The following CHML variants were observed in gnomAD, a reference collection of about 807,000 sequenced individuals.
CHML encodes the protein CHM like Rab escort protein.
CHML carries 20 observed loss-of-function variants against 30.4 expected under a neutral mutation model. The ratio of observed to expected loss-of-function variants is 0.66; its 90% CI spans 0.46 to 0.95. The LOEUF is 0.95. Ranked by LOEUF, CHML falls within the 40% of genes least tolerant of loss-of-function variation. The probability of loss-of-function intolerance (pLI) is 0.00; values close to 1 mark genes in which losing one functional copy is unlikely to be tolerated. For missense variants in CHML, 795 were observed against 768.5 expected (o/e 1.03, Z -0.41); for synonymous variants, 281 against 275.0 (o/e 1.02, Z -0.22).
chr1:241,635,250 C>G lies in CHML; in HGVS notation c.517G>C (p.Glu173Gln). ...TEISLEVTDV[E>Q]ESVEKEKYCG... ...TACTTTTCCTTCTCCACTGATTCCT[C>G]TACATCAGTTACTTCTAGTGAAATC... is the stretch of plus-strand genomic sequence containing the variant. The change falls in exon 2 of 2, where the codon GAG (glutamate) becomes CAG (glutamine). Residue 173 changes from glutamate to glutamine, a missense_variant. Glu to Gln is a conservative substitution (Grantham distance 29, BLOSUM62 2). Coordinates refer to ENST00000366553, the MANE Select transcript of CHML (RefSeq NM_001381853.1). 6.2e-7 allele frequency: 1 copy of G among 1,613,876 alleles called. No homozygotes were observed. The highest frequency in any genetic ancestry group is 8.5e-7 in the Non-Finnish European group (1 of 1,179,920).
chr1:241,633,161 C>G lies in CHML; in HGVS notation c.*635G>C, dbSNP rs1336775641. ...TAGAATACTGTGGTGGCATCATTGC[C>G]TCATCAGTTACAAGGGTCAAGTGAG... On this transcript the variant is annotated 3_prime_UTR_variant, in exon 2 of 2. Coordinates refer to ENST00000366553, the MANE Select transcript of CHML (RefSeq NM_001381853.1). 1 of 152,160 alleles carries G rather than the reference C, an allele frequency of 6.6e-6. No homozygotes were observed. Among genetic ancestry groups the G allele is most frequent in the Admixed American group, 6.5e-5 (1 of 15,270 alleles). The allele number at this position is 152,160 out of a possible 1,614,324, so 9.4% of individuals were successfully genotyped here.
Position 241,635,841 on chromosome 1 carries a change from T to C in CHML, c.-75A>G. 1 of 1,426,444 alleles carries C rather than the reference T, an allele frequency of 7.0e-7. No individual in the cohort carries two copies. Among genetic ancestry groups the C allele is most frequent in the Non-Finnish European group, 9.5e-7 (1 of 1,047,806 alleles). The allele number at this position is 1,426,444 out of a possible 1,614,324, so 88.4% of individuals were successfully genotyped here. A position where few individuals can be genotyped will look rare whatever the true frequency, so the allele number is the denominator to read the frequency against. ...TGTGATTATGCTGTAATAAAATCTG[T>C]CCTTCTGATGTTCCAGTTATCCCAG... On this transcript the variant is annotated 5_prime_UTR_variant, in exon 2 of 2. Transcript: ENST00000366553.
Position 241,634,999 on chromosome 1 carries a change from A to G in CHML, c.768T>C (p.Tyr256=), listed in dbSNP as rs1664824420. ...DLLIKSDVSR[Y]VEFKNVTRIL... is the part of the protein sequence containing the mutation. The stretch of plus-strand genomic sequence containing the variant: ...TCCTAGTGACATTTTTAAATTCTAC[A>G]TAACGACTAACATCTGATTTGATTA... The change falls in exon 2 of 2, where the codon TAT becomes TAC. Residue 256 remains tyrosine, a synonymous_variant. Transcript: ENST00000366553. 6 of 1,613,684 alleles carry G rather than the reference A, an allele frequency of 3.7e-6. No individual in the cohort carries two copies. The highest frequency in any genetic ancestry group is 5.1e-6 in the Non-Finnish European group (6 of 1,179,864).
At chr1:241,637,690 T>C (rs993327986) in intron 1 of CHML, among the ~76,000 whole-genome samples, 1 of 152,152 alleles carries the variant, frequency 6.6e-6, no homozygotes, top group Non-Finnish European at 1.5e-5. Flanking sequence ...GCAAGTAGGA[T>C]GGCCTTACAG....
rs1664690638 is a variant in CHML, at chr1:241,632,658, A to G, written c.*1138T>C. The G allele has an allele frequency of 1.3e-5, 2 of 152,118 alleles. No homozygotes were observed. Among genetic ancestry groups the G allele is most frequent in the Admixed American group, 1.3e-4 (2 of 15,270 alleles). The allele number at this position is 152,118 out of a possible 1,614,324, so 9.4% of individuals were successfully genotyped here. A position where few individuals can be genotyped will look rare whatever the true frequency, so the allele number is the denominator to read the frequency against. On this transcript the variant is annotated 3_prime_UTR_variant, in exon 2 of 2. Transcript: ENST00000366553. Reference sequence around the variant, plus strand: ...GCTAAGAGGCAAGAGAGATTACAGAAAATTGTTACTTCACAATTTGTTAAG... The same window carrying G: ...GCTAAGAGGCAAGAGAGATTACAGAGAATTGTTACTTCACAATTTGTTAAG...
At position 241,634,623 on chromosome 1, in the gene CHML, G is replaced by T. The variant is rs746405074; in HGVS notation, c.1144C>A (p.Gln382Lys). 4 of 1,613,810 alleles carry T rather than the reference G, an allele frequency of 2.5e-6. No individual in the cohort carries two copies. The highest frequency in any genetic ancestry group is 3.4e-6 in the Non-Finnish European group (4 of 1,179,872). The change falls in exon 2 of 2, where the codon CAA (glutamine) becomes AAA (lysine). Residue 382 changes from glutamine (Q) to lysine (K), a missense_variant. By Grantham distance (53) the Gln-to-Lys change is moderately conservative (BLOSUM62 1). Transcript: ENST00000366553. ...NTPFLFPLYGQGEIPQGFCRM... is the reference protein window; with the variant it reads ...NTPFLFPLYGKGEIPQGFCRM... Reference sequence around the variant, plus strand: ...CAGAAACCCTGGGGAATTTCTCCTTGGCCATACAAGGGAAATAAAAAGGGG... The same window carrying T: ...CAGAAACCCTGGGGAATTTCTCCTTTGCCATACAAGGGAAATAAAAAGGGG...
rs764526698 is a variant in CHML at position 241,629,113 on chromosome 1, C to T, written c.*4683G>A. ...ATATAACATTCTGTGATAGCACTAG[C>T]AATACACCAAAATTTACTTAACCAT... is the stretch of plus-strand genomic sequence containing the variant. On this transcript the variant is annotated 3_prime_UTR_variant, in exon 2 of 2. Coordinates refer to ENST00000366553, the MANE Select transcript of CHML (RefSeq NM_001381853.1). 6.6e-6 allele frequency: 1 copy of T among 152,502 alleles called. No individual in the cohort carries two copies. Among genetic ancestry groups the T allele is most frequent in the African/African-American group, 2.4e-5 (1 of 41,420 alleles). 9.4% of individuals were successfully genotyped at this position (152,502 alleles called of 1,614,324 possible).
Position 241,640,261 on chromosome 1 carries a change from G to A in CHML, c.-687C>T. 8.3e-7 allele frequency: 1 copy of A among 1,197,626 alleles called. No homozygotes were observed. The highest frequency in any genetic ancestry group is 1.0e-6 in the Non-Finnish European group (1 of 968,044). The allele number at this position is 1,197,626 out of a possible 1,614,324, so 74.2% of individuals were successfully genotyped here. A position where few individuals can be genotyped will look rare whatever the true frequency, so the allele number is the denominator to read the frequency against. On this transcript the variant is annotated 5_prime_UTR_variant, in exon 1 of 2. Coordinates refer to ENST00000366553, the MANE Select transcript of CHML (RefSeq NM_001381853.1). ...TGCGGTTCCCCGAGTACATGGCCCG[G>A]CGCCGGCGCGCCTGGCGGGCGGAGG...
At chr1:241,638,865 C>T (rs999228180) in intron 1 of CHML, among the ~76,000 whole-genome samples, 14 of 152,076 alleles carry the variant, frequency 9.2e-5, no homozygotes, top group South Asian at 2.1e-4. Flanking sequence ...GATTTTTGTT[C>T]TCCCAAACCT....
rs1296057787 is a variant in CHML, at chr1:241,630,358, T to C, written c.*3438A>G. On this transcript the variant is annotated 3_prime_UTR_variant, in exon 2 of 2. Coordinates refer to ENST00000366553, the MANE Select transcript of CHML (RefSeq NM_001381853.1). ...ATTTAGGCATCTTTCTTAATTTATCTCTATGTAGTTATATAACTTTCTTTA... is the reference window on the plus strand; with the variant it reads ...ATTTAGGCATCTTTCTTAATTTATCCCTATGTAGTTATATAACTTTCTTTA... 2 of 152,082 alleles carry C rather than the reference T, an allele frequency of 1.3e-5. No individual in the cohort carries two copies. The highest frequency in any genetic ancestry group is 2.9e-5 in the Non-Finnish European group (2 of 67,930). The allele number at this position is 152,082 out of a possible 1,614,324, so 9.4% of individuals were successfully genotyped here.
At position 241,629,698 on chromosome 1, in the gene CHML, T is replaced by C. The variant is rs971935273; in HGVS notation, c.*4098A>G. On this transcript the variant is annotated 3_prime_UTR_variant, in exon 2 of 2. Transcript: ENST00000366553. ...TGGTGTGAGACTTGTAGTATTTTTC[T>C]TTTTATACTTAACATTTTAATTCAT... 1.3e-5 allele frequency: 2 copies of C among 152,160 alleles called. No homozygotes were observed. The highest frequency in any genetic ancestry group is 4.8e-5 in the African/African-American group (2 of 41,464). The allele number at this position is 152,160 out of a possible 1,614,324, so 9.4% of individuals were successfully genotyped here.
rs1027234837 is a variant in CHML at position 241,635,749 on chromosome 1, G to A, written c.18C>T (p.Pro6=). 3 of 1,609,420 alleles carry A rather than the reference G, an allele frequency of 1.9e-6. No homozygotes were observed. The highest frequency in any genetic ancestry group is 2.5e-6 in the Non-Finnish European group (3 of 1,177,018). The change falls in exon 2 of 2, where the codon CCC becomes CCT. Residue 6 remains proline (P), a synonymous_variant. Coordinates refer to ENST00000366553, the MANE Select transcript of CHML (RefSeq NM_001381853.1). MADNL[P]TEFDVVIIGT... ...CTATTATAACCACATCAAACTCTGT[G>A]GGAAGATTGTCCGCCATTTTAGGAA... is the stretch of plus-strand genomic sequence containing the variant.
rs181162135 is a variant in CHML, at chr1:241,637,042, C to A, written c.-307-969G>T. On this transcript the variant is annotated intron_variant, in intron 1 of 1. Coordinates refer to ENST00000366553, the MANE Select transcript of CHML (RefSeq NM_001381853.1). ...TGTGCGGAAGACATCTGTGTGATGC[C>A]CTGTGTGGCCAGAGGTAGAAAGGCC... 3.9e-5 allele frequency among the ~76,000 whole-genome samples: 6 copies of A among 152,192 alleles called. No individual in the cohort carries two copies. In the East Asian group the frequency reaches 1.2e-3, roughly 29 times the overall value.
chr1:241,639,609 G>A (rs1029513760), intron 1 of CHML, among the ~76,000 whole-genome samples: 1 of 151,840 alleles, frequency 6.6e-6, no homozygotes, highest in African/African-American at 2.4e-5. Context: ...CGGGGTTTGG[G>A]GTCAACGTGG....
At position 241,634,498 on chromosome 1, in the gene CHML, A is replaced by T; in HGVS notation, c.1269T>A (p.Asp423Glu). The T allele has an allele frequency of 6.2e-7, 1 of 1,613,856 alleles. No homozygotes were observed. Among genetic ancestry groups the T allele is most frequent in the Non-Finnish European group, 8.5e-7 (1 of 1,179,906 alleles). The change falls in exon 2 of 2, where the codon GAT (aspartate) becomes GAA (glutamate). Residue 423 changes from aspartate to glutamate, a missense_variant. By Grantham distance (45) the Asp-to-Glu change is conservative (BLOSUM62 2). Coordinates refer to ENST00000366553, the MANE Select transcript of CHML (RefSeq NM_001381853.1). Reference sequence around the variant, plus strand: ...TAGCATTTATTCTTTGACCAAAGTGATCTATAATTGCTTTACATCGTCCAG... The same window carrying T: ...TAGCATTTATTCTTTGACCAAAGTGTTCTATAATTGCTTTACATCGTCCAG... ...KESGRCKAIIDHFGQRINAKY... is the reference protein window; with the variant it reads ...KESGRCKAIIEHFGQRINAKY...
rs749379622 is a variant in CHML, at chr1:241,630,865, G to T, written c.*2931C>A. ...TTCTTTTGATGCTGATTTAATGGCTGTTCTGCTTAACACCAGCCTTATAAT... is the reference window on the plus strand; with the variant it reads ...TTCTTTTGATGCTGATTTAATGGCTTTTCTGCTTAACACCAGCCTTATAAT... On this transcript the variant is annotated 3_prime_UTR_variant, in exon 2 of 2. Transcript: ENST00000366553. 5.3e-5 allele frequency: 8 copies of T among 152,040 alleles called. No homozygotes were observed. Among genetic ancestry groups the T allele is most frequent in the Non-Finnish European group, 1.0e-4 (7 of 67,920 alleles). 9.4% of individuals were successfully genotyped at this position (152,040 alleles called of 1,614,324 possible). A position where few individuals can be genotyped will look rare whatever the true frequency, so the allele number is the denominator to read the frequency against.
chr1:241,638,434 C>T (rs1664986203), intron 1 of CHML, among the ~76,000 whole-genome samples: 1 of 152,170 alleles, frequency 6.6e-6, no homozygotes. Flanking sequence ...ACAGAAAAGG[C>T]ACTTCAAGGA....
At chr1:241,638,177 A>G (rs988692549) in intron 1 of CHML, among the ~76,000 whole-genome samples, 2 of 152,214 alleles carry the variant, frequency 1.3e-5, no homozygotes, top group African/African-American at 2.4e-5. Context: ...TGAAAGCACT[A>G]AATGCCCTGA....
At position 241,635,498 on chromosome 1, in the gene CHML, C is replaced by A. The variant is rs371695400; in HGVS notation, c.269G>T (p.Arg90Leu). Residue 90 changes from arginine (R) to leucine (L), a missense_variant, in exon 2 of 2, where the codon CGC becomes CTC. Arg to Leu is a moderately radical substitution (Grantham distance 102, BLOSUM62 -2). Transcript: ENST00000366553. ...IHETEEAITL[R>L]KKDETIQHTE... Reference sequence around the variant, plus strand: ...GTGTTGAATAGTTTCATCCTTCTTGCGAAGAGTGATGGCTTCTTCTGTTTC... The same window carrying A: ...GTGTTGAATAGTTTCATCCTTCTTGAGAAGAGTGATGGCTTCTTCTGTTTC... The A allele has an allele frequency of 3.7e-6, 6 of 1,613,664 alleles. No individual in the cohort carries two copies. Among genetic ancestry groups the A allele is most frequent in the Non-Finnish European group, 5.1e-6 (6 of 1,179,922 alleles).
Sources: gnomAD v4.1 joint callset for allele counts (sites outside exome capture counted in the v4.1 genomes callset) on GRCh38, gnomAD v4.1.1 for gene constraint, MANE v1.5 for transcripts, NCBI Gene and HGNC (gene_info 2026-07-23, HGNC 2026-07-21) for gene names.